LETM1: variants seen among roughly 807,000 people sequenced by gnomAD.
LETM1 encodes the protein leucine zipper and EF-hand containing transmembrane protein 1.
In LETM1, 50 loss-of-function variants were observed where a neutral mutation model predicts 74.5. The observed-to-expected ratio is 0.67, with a 90% CI of 0.53 to 0.85. LETM1 has a LOEUF of 0.85. Ranked by LOEUF, LETM1 falls within the 40% of genes least tolerant of loss-of-function variation. The probability of loss-of-function intolerance (pLI) is 0.00; values close to 1 mark genes in which losing one functional copy is unlikely to be tolerated. For synonymous variants in LETM1, 446 were observed against 407.1 expected (o/e 1.10, Z -1.15); for missense variants, 824 against 967.8 (o/e 0.85, Z 1.97).
intron 3 of LETM1, among the ~76,000 whole-genome samples, chr4:1,837,736 C>T: frequency 1.4e-5 from 2 of 139,218 alleles, no homozygotes; most frequent in East Asian, 2.1e-4. Context: ...TGGCGTCTAG[C>T]TCTGTCACCC....
At chr4:1,829,263 A>G (rs1370851840) in intron 6 of LETM1, among the ~76,000 whole-genome samples, 7 of 125,974 alleles carry the variant, frequency 5.6e-5, no homozygotes, top group South Asian at 3.0e-4. Flanking sequence ...CTGGCCGGGC[A>G]GAGGGGCTCC....
intron 11 of LETM1, among the ~76,000 whole-genome samples, chr4:1,818,724 GTAA>G (rs954330177): frequency 2.6e-5 from 4 of 152,126 alleles, no homozygotes; most frequent in Non-Finnish European, 4.4e-5. Flanking sequence ...CCACTTTCAC[GTAA>G]TCATGAATAA....
At chr4:1,850,643 A>G (rs568889063) in intron 1 of LETM1, among the ~76,000 whole-genome samples, 2 of 124,232 alleles carry the variant, frequency 1.6e-5, no homozygotes, top group African/African-American at 7.6e-5. Flanking sequence ...ACTCTGTCTC[A>G]GAAAAAAAAA....
At chr4:1,825,530 G>A (rs539499555) in intron 7 of LETM1, 34 bp downstream of exon 7, 14 of 1,592,686 alleles carry the variant, frequency 8.8e-6, no homozygotes, top group South Asian at 4.4e-5. Context: ...CCTTGAGCCC[G>A]TGCCGGCCTG....
Position 1,841,455 on chromosome 4 carries a change from C to T in LETM1, c.486G>A (p.Lys162=), listed in dbSNP as rs147940094. Residue 162 remains lysine, a synonymous_variant, in exon 3 of 14, where the codon AAG becomes AAA. Coordinates refer to ENST00000302787, the MANE Select transcript of LETM1 (RefSeq NM_012318.3). The stretch of plus-strand genomic sequence containing the variant: ...GCAGGCGGAAGCCATGGTAGTAGTG[C>T]TTCAGCTCGTCCAGCACCCGCTGCC... The part of the protein sequence containing the change: ...SLGQRVLDEL[K]HYYHGFRLLW... The T allele has an allele frequency of 3.5e-5, 57 of 1,614,258 alleles. No individual in the cohort carries two copies. The African/African-American group carries it at 7.2e-4, about 20-fold the overall frequency.
At chr4:1,853,666 C>T (rs567110952) in intron 1 of LETM1, among the ~76,000 whole-genome samples, 5 of 152,212 alleles carry the variant, frequency 3.3e-5, no homozygotes, top group East Asian at 3.9e-4. Context: ...GAATGGAGAA[C>T]GGGAGAGTAA....
chr4:1,826,160 G>A (rs1240046042), intron 6 of LETM1, among the ~76,000 whole-genome samples: 1 of 152,226 alleles, frequency 6.6e-6, no homozygotes, highest in Non-Finnish European at 1.5e-5. Flanking sequence ...AGTCCCAGAG[G>A]TAGAGGACAC....
intron 2 of LETM1, among the ~76,000 whole-genome samples, chr4:1,846,055 C>T (rs1473743762): frequency 6.6e-6 from 1 of 151,864 alleles, no homozygotes; most frequent in African/African-American, 2.4e-5. Context: ...TGGGGTTTCA[C>T]CATGTTGGCC....
At chr4:1,826,718 T>TG (rs1383309239) in intron 6 of LETM1, among the ~76,000 whole-genome samples, 2 of 152,262 alleles carry the variant, frequency 1.3e-5, no homozygotes, top group Non-Finnish European at 2.9e-5. Flanking sequence ...CCCACTAAGC[T>TG]GGGCTCCGCC....
At chr4:1,822,900 G>A (rs1427636087) in intron 9 of LETM1, 88 bp downstream of exon 9, 12 of 1,184,170 alleles carry the variant, frequency 1.0e-5, no homozygotes, top group Admixed American at 4.1e-5. Flanking sequence ...GCAAGCATGC[G>A]GGAGGCCAAG....
intron 1 of LETM1, among the ~76,000 whole-genome samples, chr4:1,853,634 C>G (rs929669291): frequency 2.0e-5 from 3 of 152,162 alleles, no homozygotes; most frequent in African/African-American, 7.2e-5. Flanking sequence ...CAGATGGGTC[C>G]TGGGACAGAA....
intron 1 of LETM1, among the ~76,000 whole-genome samples, chr4:1,850,631 A>G (rs1713036406): frequency 6.9e-6 from 1 of 144,720 alleles, no homozygotes; most frequent in African/African-American, 2.6e-5. Flanking sequence ...CGACAGAGCA[A>G]GACTCTGTCT....
intron 2 of LETM1, among the ~76,000 whole-genome samples, chr4:1,842,243 C>T (rs889670509): frequency 1.3e-5 from 2 of 152,168 alleles, no homozygotes; most frequent in Non-Finnish European, 2.9e-5. Context: ...TGGAAAGATC[C>T]GTGGCTCTTG....
rs1722527948 is a variant in LETM1, at chr4:1,813,498, C to T, written c.*926G>A. 1 of 152,336 alleles carries T rather than the reference C, an allele frequency of 6.6e-6. No homozygotes were observed. Among genetic ancestry groups the T allele is most frequent in the African/African-American group, 2.4e-5 (1 of 41,460 alleles). 9.4% of individuals were successfully genotyped at this position (152,336 alleles called of 1,614,324 possible). A position where few individuals can be genotyped will look rare whatever the true frequency, so the allele number is the denominator to read the frequency against. On this transcript the variant is annotated 3_prime_UTR_variant, in exon 14 of 14. Coordinates refer to ENST00000302787, the MANE Select transcript of LETM1 (RefSeq NM_012318.3). ...CACGGGGGTATTGCCCTTGAAGCCCCAGGGGATGCCCTGTGCCGGATCCTC... is the reference window on the plus strand; with the variant it reads ...CACGGGGGTATTGCCCTTGAAGCCCTAGGGGATGCCCTGTGCCGGATCCTC...
intron 10 of LETM1, among the ~76,000 whole-genome samples, chr4:1,821,026 G>GA (rs1016561359): frequency 3.3e-5 from 5 of 150,808 alleles, no homozygotes; most frequent in Non-Finnish European, 7.4e-5. Flanking sequence ...CACCTCAAAA[G>GA]AAAAAAAATT....
At chr4:1,848,099 G>A (rs1331162852) in intron 2 of LETM1, among the ~76,000 whole-genome samples, 2 of 151,808 alleles carry the variant, frequency 1.3e-5, no homozygotes, top group East Asian at 1.9e-4. Flanking sequence ...AACGTTATTC[G>A]TGGACCTTAA....
chr4:1,840,072 A>G (rs1471825863), intron 3 of LETM1, among the ~76,000 whole-genome samples: 1 of 152,238 alleles, frequency 6.6e-6, no homozygotes, highest in Non-Finnish European at 1.5e-5. Context: ...CCACAAAAAC[A>G]AAACAATTTA....
rs751656813 is a variant in LETM1, at chr4:1,841,341, C to T, written c.594+6G>A. 1 of 1,611,086 alleles carries T rather than the reference C, an allele frequency of 6.2e-7. No homozygotes were observed. Among genetic ancestry groups the T allele is most frequent in the East Asian group, 2.2e-5 (1 of 44,814 alleles). ...GAAAAGAAAGGACTAGACATGTCCC[C>T]ATTACCTGCCTGCGCTCCCGGCGGG... On this transcript the variant is annotated splice_donor_region_variant and intron_variant, in intron 3 of 13. Transcript: ENST00000302787.
intron 9 of LETM1, chr4:1,822,712 G>T (rs921194878): frequency 8.1e-6 from 3 of 371,192 alleles, no homozygotes; most frequent in African/African-American, 4.2e-5. Flanking sequence ...TCCCTGAGGA[G>T]AGGGTGGGCA....
Sources: allele counts gnomAD v4.1 joint callset (sites outside exome capture counted in the v4.1 genomes callset), GRCh38; gene constraint gnomAD v4.1.1; transcripts MANE v1.5; gene names NCBI Gene and HGNC (gene_info 2026-07-23, HGNC 2026-07-21).